Variants in STX19 observed in about 807,000 individuals in gnomAD.
STX19 encodes syntaxin 19.
STX19 carries 26 observed loss-of-function variants against 24.3 expected under a neutral mutation model. The ratio of observed to expected loss-of-function variants is 1.07; its 90% CI spans 0.78 to 1.48. STX19 has a LOEUF of 1.48. Ranked by LOEUF, STX19 falls within the 40% of genes most tolerant of loss-of-function variation. STX19 has a pLI of 0.00. For missense variants in STX19, 367 were observed against 331.9 expected, an observed-to-expected ratio of 1.11 and a Z score of -0.82; for synonymous variants, 116 against 106.9, an observed-to-expected ratio of 1.09 and a Z score of -0.52.
chr3:94,025,031 G>A (rs1031348896), intron 1 of STX19, among the ~76,000 whole-genome samples: 2 of 152,160 alleles, frequency 1.3e-5, no homozygotes, highest in Admixed American at 1.3e-4. Context: ...ATTTTCCTGT[G>A]AAGTGCCTTT....
intron 1 of STX19, among the ~76,000 whole-genome samples, chr3:94,024,207 G>T (rs1576002252): frequency 6.6e-6 from 1 of 152,210 alleles, no homozygotes. Flanking sequence ...AGCCTCAAGG[G>T]ATCCTTCCAC....
intron 1 of STX19, among the ~76,000 whole-genome samples, chr3:94,021,200 A>AT (rs71105170): frequency 4.0e-5 from 6 of 148,340 alleles, no homozygotes; most frequent in Admixed American, 1.3e-4. Flanking sequence ...ATATATATAT[A>AT]ATTTTTTTTT....
chr3:94,018,426 T>G (rs542556239), intron 1 of STX19, among the ~76,000 whole-genome samples: 159 of 152,314 alleles, frequency 1.0e-3, no homozygotes, highest in African/African-American at 2.9e-3. Context: ...TTCTCCTGTT[T>G]TTTTTCTCTT....
chr3:94,028,308 C>G (rs2076599856), intron 1 of STX19, 59 bp downstream of exon 1: 1 of 152,116 alleles, frequency 6.6e-6, no homozygotes, highest in Non-Finnish European at 1.5e-5. Flanking sequence ...AACAGTGTAA[C>G]CAGATGTCAG....
At position 94,014,537 on chromosome 3, in the gene STX19, C is replaced by T. The variant is rs2076286791; in HGVS notation, c.733G>A (p.Glu245Lys). The T allele has an allele frequency of 1.2e-6, 2 of 1,612,762 alleles. No homozygotes were observed. The highest frequency in any genetic ancestry group is 1.1e-5 in the South Asian group (1 of 90,812). The change falls in exon 2 of 2, where the codon GAG becomes AAG. Residue 245 changes from glutamate to lysine, a missense_variant. Coordinates refer to ENST00000315099, the MANE Select transcript of STX19 (RefSeq NM_001001850.3). ...GTCATTTCAATATTGTTGATGCTCT[C>T]TCCTTGTTCCTCTACTAAAAGAGAT... ...QISLLVEEQG[E>K]SINNIEMTVN...
At chr3:94,020,204 A>G (rs758349734) in intron 1 of STX19, among the ~76,000 whole-genome samples, 65 of 152,260 alleles carry the variant, frequency 4.3e-4, no homozygotes, top group African/African-American at 1.4e-3. Flanking sequence ...GATGAGTCTT[A>G]TATTTACTTG....
At chr3:94,028,026 A>G (rs1373131403) in intron 1 of STX19, among the ~76,000 whole-genome samples, 4 of 152,188 alleles carry the variant, frequency 2.6e-5, no homozygotes, top group Non-Finnish European at 5.9e-5. Context: ...AAGCACATTC[A>G]TAGTCTGTCT....
At chr3:94,018,112 G>A (rs34333966) in intron 1 of STX19, among the ~76,000 whole-genome samples, 12,346 of 152,054 alleles carry the variant, frequency 0.081, 627 homozygotes, top group Middle Eastern at 0.19. Flanking sequence ...TGTCCAGGCC[G>A]GTCTTGAACT....
intron 1 of STX19, among the ~76,000 whole-genome samples, chr3:94,021,404 A>T (rs2076446584): frequency 6.6e-6 from 1 of 151,984 alleles, no homozygotes; most frequent in South Asian, 2.1e-4. Context: ...CATGTTGGCC[A>T]GGCTCATCTT....
chr3:94,020,971 T>G (rs2076435724), intron 1 of STX19, among the ~76,000 whole-genome samples: 1 of 151,968 alleles, frequency 6.6e-6, no homozygotes, highest in Admixed American at 6.6e-5. Context: ...TCTACTTTAC[T>G]GGCAAGGAAC....
At chr3:94,020,714 T>C (rs1405421379) in intron 1 of STX19, among the ~76,000 whole-genome samples, 1 of 152,216 alleles carries the variant, frequency 6.6e-6, no homozygotes, top group Non-Finnish European at 1.5e-5. Flanking sequence ...TGCTGAGCAT[T>C]TTAAGTACCG....
chr3:94,015,390 T>C, intron 1 of STX19, 108 bp from the exon 2 acceptor site: 2 of 765,686 alleles, frequency 2.6e-6, no homozygotes, highest in Middle Eastern at 2.6e-4. Context: ...TCTCCTAGTT[T>C]TCTCAAATGA....
At chr3:94,024,788 G>C (rs574802177) in intron 1 of STX19, among the ~76,000 whole-genome samples, 2 of 151,988 alleles carry the variant, frequency 1.3e-5, no homozygotes, top group East Asian at 3.9e-4. Context: ...AGGTCTTGCT[G>C]TGTTGCTCAG....
rs774471915 is a variant in STX19, at chr3:94,014,377, T to TTTTTTTG, written c.*7_*8insCAAAAAA. On this transcript the variant is annotated 3_prime_UTR_variant, in exon 2 of 2. Coordinates refer to ENST00000315099, the MANE Select transcript of STX19 (RefSeq NM_001001850.3). The stretch of plus-strand genomic sequence containing the variant: ...CGTAAAGCTGGAAAAAGTTTTAAAA[T>TTTTTTTG]AGCTTCTTTATTTTGAGCTACAGCA... 5.9e-6 allele frequency: 9 copies of TTTTTTTG among 1,514,070 alleles called. No individual in the cohort carries two copies. In the East Asian group the frequency reaches 2.1e-4, roughly 35 times the overall value. The allele number at this position is 1,514,070 out of a possible 1,614,324, so 93.8% of individuals were successfully genotyped here. A position where few individuals can be genotyped will look rare whatever the true frequency, so the allele number is the denominator to read the frequency against.
intron 1 of STX19, among the ~76,000 whole-genome samples, chr3:94,024,100 T>TAG (rs1326428060): frequency 6.6e-6 from 1 of 152,232 alleles, no homozygotes; most frequent in Admixed American, 6.5e-5. Context: ...TCTCTTGTAC[T>TAG]AGCTTGTCAC....
chr3:94,028,450 G>A lies in STX19; in HGVS notation c.-97C>T, dbSNP rs1194350338. 1 of 152,198 alleles carries A rather than the reference G, an allele frequency of 6.6e-6. No homozygotes were observed. Among genetic ancestry groups the A allele is most frequent in the Non-Finnish European group, 1.5e-5 (1 of 68,032 alleles). The allele number at this position is 152,198 out of a possible 1,614,324, so 9.4% of individuals were successfully genotyped here. A position where few individuals can be genotyped will look rare whatever the true frequency, so the allele number is the denominator to read the frequency against. ...AGAGAATATCTGAATATCATCTCATGTTTTGAACAAATTATCTAAATCTCT... is the reference window on the plus strand; with the variant it reads ...AGAGAATATCTGAATATCATCTCATATTTTGAACAAATTATCTAAATCTCT... On this transcript the variant is annotated 5_prime_UTR_variant, in exon 1 of 2. Transcript: ENST00000315099.
chr3:94,016,856 A>C (rs2076343902), intron 1 of STX19, among the ~76,000 whole-genome samples: 1 of 152,120 alleles, frequency 6.6e-6, no homozygotes, highest in East Asian at 1.9e-4. Context: ...CATATTGGCC[A>C]GGCTGGTCTC....
chr3:94,019,790 G>A (rs1023439375), intron 1 of STX19, among the ~76,000 whole-genome samples: 1 of 152,106 alleles, frequency 6.6e-6, no homozygotes, highest in Admixed American at 6.5e-5. Flanking sequence ...CTCTGCTTCA[G>A]TCTCACTGTC....
chr3:94,015,315 A>G, intron 1 of STX19, 33 bp from the exon 2 acceptor site: 1 of 1,479,860 alleles, frequency 6.8e-7, no homozygotes, highest in Non-Finnish European at 8.9e-7. Context: ...TTGAACAAGT[A>G]GAAATTTGGT....
Sources: allele counts gnomAD v4.1 joint callset (sites outside exome capture counted in the v4.1 genomes callset), GRCh38; gene constraint gnomAD v4.1.1; transcripts MANE v1.5; gene names NCBI Gene and HGNC (gene_info 2026-07-23, HGNC 2026-07-21).